Variants in UQCRQ observed in about 807,000 individuals in gnomAD.
UQCRQ encodes the protein ubiquinol-cytochrome c reductase complex III subunit VII.
A neutral mutation model predicts 7.9 loss-of-function variants in UQCRQ; 9 were observed. That is an observed-to-expected ratio of 1.13 (90% CI 0.68 to 1.98). UQCRQ has a LOEUF of 1.98. Among genes scored for constraint, UQCRQ ranks in the 30% most tolerant of loss-of-function variants. The pLI is 0.00. For missense variants in UQCRQ, 112 were observed against 109.7 expected (o/e 1.02, Z -0.10); for synonymous variants, 50 against 41.9 (o/e 1.19, Z -0.75).
intron 2 of UQCRQ, 180 bp downstream of exon 2, chr5:132,867,215 G>A: frequency 1.1e-6 from 1 of 872,484 alleles, no homozygotes; most frequent in East Asian, 2.6e-5. Context: ...CATCTTACAC[G>A]GGGAAAACTG....
At chr5:132,867,340 A>G in intron 2 of UQCRQ, 148 bp from the exon 3 acceptor site, 1 of 746,230 alleles carries the variant, frequency 1.3e-6, no homozygotes, top group Non-Finnish European at 2.3e-6. Flanking sequence ...TTAAACGTGC[A>G]GCAGATAGTG....
rs1393028325 is a variant in UQCRQ at position 132,868,774 on chromosome 5, C to T, written c.*1192C>T. Among the ~76,000 whole-genome samples the T allele has an allele frequency of 3.3e-5, 5 of 152,122 alleles. No homozygotes were observed. Among genetic ancestry groups the T allele is most frequent in the East Asian group, 1.9e-4 (1 of 5,180 alleles). On this transcript the variant is annotated 3_prime_UTR_variant, in exon 3 of 3. Coordinates refer to ENST00000378670, the MANE Select transcript of UQCRQ (RefSeq NM_014402.5). ...TGTGCCAGGAGGCCAACAATGTTTT[C>T]AACCATATGTGGTTCATAAAGCCTC...
chr5:132,867,419 C>A, intron 2 of UQCRQ, 69 bp from the exon 3 acceptor site: 1 of 1,278,960 alleles, frequency 7.8e-7, no homozygotes, highest in Non-Finnish European at 1.1e-6. Context: ...GACAAGAGGA[C>A]TGAGACCTTT....
At chr5:132,867,455 T>C (rs767000774) in intron 2 of UQCRQ, 33 bp from the exon 3 acceptor site, 1 of 1,553,884 alleles carries the variant, frequency 6.4e-7, no homozygotes, top group Non-Finnish European at 8.9e-7. Context: ...GTCTTATATG[T>C]GTGCTCTCTG....
In UQCRQ at chr5:132,868,290, T is replaced by C. The variant is rs1759695115; in HGVS notation, c.*708T>C. ...CCATGGTGCTCTGGGCCTCAAATACTCTTCTTAGCTACACAAATGAACTGT... is the reference window on the plus strand; with the variant it reads ...CCATGGTGCTCTGGGCCTCAAATACCCTTCTTAGCTACACAAATGAACTGT... On this transcript the variant is annotated 3_prime_UTR_variant, in exon 3 of 3. Transcript: ENST00000378670. 6.6e-6 allele frequency among the ~76,000 whole-genome samples: 1 copy of C among 152,224 alleles called. No homozygotes were observed. Among genetic ancestry groups the C allele is most frequent in the Non-Finnish European group, 1.5e-5 (1 of 68,040 alleles).
rs1759695500 is a variant in UQCRQ, at chr5:132,868,304, C to CA, written c.*725dup. ...GCCTCAAATACTCTTCTTAGCTACA[C>CA]AAATGAACTGTTAAACCTCACAAGC... On this transcript the variant is annotated 3_prime_UTR_variant, in exon 3 of 3. Transcript: ENST00000378670. 6.6e-6 allele frequency among the ~76,000 whole-genome samples: 1 copy of CA among 152,184 alleles called. No homozygotes were observed. The highest frequency in any genetic ancestry group is 6.5e-5 in the Admixed American group (1 of 15,284).
In UQCRQ at chr5:132,867,153, C is replaced by T. The variant is rs966840326; in HGVS notation, c.154+118C>T. 21 of 1,335,770 alleles carry T rather than the reference C, an allele frequency of 1.6e-5. No homozygotes were observed. In the Admixed American group the frequency reaches 2.3e-4, roughly 15 times the overall value. The allele number at this position is 1,335,770 out of a possible 1,614,324, so 82.7% of individuals were successfully genotyped here. A position where few individuals can be genotyped will look rare whatever the true frequency, so the allele number is the denominator to read the frequency against. Reference sequence around the variant, plus strand: ...GCGCTCTGTAACTTGCCGTACACACCTTTCTCATTGAATATTCCTGACCGC... The same window carrying T: ...GCGCTCTGTAACTTGCCGTACACACTTTTCTCATTGAATATTCCTGACCGC... On this transcript the variant is annotated intron_variant, in intron 2 of 2. Transcript: ENST00000378670.
rs1484249772 is a variant in UQCRQ at position 132,868,457 on chromosome 5, A to G, written c.*875A>G. Among the ~76,000 whole-genome samples the G allele has an allele frequency of 6.6e-6, 1 of 152,182 alleles. No individual in the cohort carries two copies. Among genetic ancestry groups the G allele is most frequent in the Non-Finnish European group, 1.5e-5 (1 of 68,040 alleles). On this transcript the variant is annotated 3_prime_UTR_variant, in exon 3 of 3. Transcript: ENST00000378670. ...AGTGATGCTCTTAAAACTATGCTCTATTGCAGGGGTGTCCAATCTTTTAGC... is the reference window on the plus strand; with the variant it reads ...AGTGATGCTCTTAAAACTATGCTCTGTTGCAGGGGTGTCCAATCTTTTAGC...
chr5:132,867,544 A>G lies in UQCRQ; in HGVS notation c.211A>G (p.Lys71Glu). 1 of 1,614,206 alleles carries G rather than the reference A, an allele frequency of 6.2e-7. No homozygotes were observed. Among genetic ancestry groups the G allele is most frequent in the East Asian group, 2.2e-5 (1 of 44,888 alleles). ...TWGTEEFERS[K>E]RKNPAAYEND... ...GGGGACTGAAGAGTTCGAGAGATCCAAGAGGAAGAATCCAGCTGCCTATGA... is the reference window on the plus strand; with the variant it reads ...GGGGACTGAAGAGTTCGAGAGATCCGAGAGGAAGAATCCAGCTGCCTATGA... Residue 71 changes from lysine to glutamate, a missense_variant, in exon 3 of 3, where the codon AAG becomes GAG. By Grantham distance (56) the Lys-to-Glu change is moderately conservative (BLOSUM62 1). Transcript: ENST00000378670.
Position 132,867,685 on chromosome 5 carries a change from G to A in UQCRQ, c.*103G>A. 1 of 918,032 alleles carries A rather than the reference G, an allele frequency of 1.1e-6. No individual in the cohort carries two copies. The highest frequency in any genetic ancestry group is 1.7e-6 in the Non-Finnish European group (1 of 571,778). The allele number at this position is 918,032 out of a possible 1,614,324, so 56.9% of individuals were successfully genotyped here. On this transcript the variant is annotated 3_prime_UTR_variant, in exon 3 of 3. Coordinates refer to ENST00000378670, the MANE Select transcript of UQCRQ (RefSeq NM_014402.5). ...AGACACAATAAACTTCCTATGGTCT[G>A]CACTGTTGTGATATTACATTTTTGT...
At chr5:132,867,104 C>T in intron 2 of UQCRQ, 69 bp downstream of exon 2, 3 of 1,598,504 alleles carry the variant, frequency 1.9e-6, no homozygotes, top group Non-Finnish European at 1.7e-6. Context: ...TGCGCCTCCC[C>T]TCTGAGCGCT....
Position 132,867,630 on chromosome 5 carries a change from G to A in UQCRQ, c.*48G>A. On this transcript the variant is annotated 3_prime_UTR_variant, in exon 3 of 3. Transcript: ENST00000378670. ...CCCTGTCTCTGAAAGACCTTTCTCT[G>A]GAAGAGGAGTCTGCATTGTAGTGTC... The A allele has an allele frequency of 6.8e-7, 1 of 1,475,630 alleles. No homozygotes were observed. The allele number at this position is 1,475,630 out of a possible 1,614,324, so 91.4% of individuals were successfully genotyped here.
intron 1 of UQCRQ, 55 bp from the exon 2 acceptor site, chr5:132,866,814 G>T: frequency 1.9e-6 from 3 of 1,598,114 alleles, no homozygotes; most frequent in Admixed American, 3.4e-5. Flanking sequence ...CCCCCGCGGG[G>T]ACTGCGGCGC....
In UQCRQ at chr5:132,866,962, T is replaced by A. The variant is rs368396020; in HGVS notation, c.81T>A (p.Tyr27Ter). The change falls in exon 2 of 3, where the codon TAT (tyrosine) becomes TAA (stop). Residue 27 changes from tyrosine (Y) to a stop codon, truncating the protein, a stop_gained. Coordinates refer to ENST00000378670, the MANE Select transcript of UQCRQ (RefSeq NM_014402.5). LOFTEE classifies it high-confidence loss of function. The stretch of plus-strand genomic sequence containing the variant: ...TGTCACCGTTCGAGCAGCGCGCCTA[T>A]CCGCACGTCTTCACTAAAGGAATCC... ...YSLSPFEQRA[Y>*]PHVFTKGIPN... The A allele has an allele frequency of 6.2e-7, 1 of 1,614,102 alleles. No homozygotes were observed. Among genetic ancestry groups the A allele is most frequent in the Admixed American group, 1.7e-5 (1 of 60,034 alleles).
At chr5:132,867,137 A>C in intron 2 of UQCRQ, 102 bp downstream of exon 2, 1 of 1,464,932 alleles carries the variant, frequency 6.8e-7, no homozygotes, top group African/African-American at 1.4e-5. Flanking sequence ...GGCGCTCTGT[A>C]ACTTGCCGTA....
rs1157121153 is a variant in UQCRQ, at chr5:132,867,810, G to A, written c.*228G>A. ...CCTGGTCTCGGGTTTTGGTGAAAGA[G>A]CAGGGCTCCCCCTTTGTTCCATTAT... On this transcript the variant is annotated 3_prime_UTR_variant, in exon 3 of 3. Transcript: ENST00000378670. 1 of 547,858 alleles carries A rather than the reference G, an allele frequency of 1.8e-6. No homozygotes were observed. Among genetic ancestry groups the A allele is most frequent in the Non-Finnish European group, 3.3e-6 (1 of 305,332 alleles). 33.9% of individuals were successfully genotyped at this position (547,858 alleles called of 1,614,324 possible).
Position 132,867,835 on chromosome 5 carries a change from T to C in UQCRQ, c.*253T>C, listed in dbSNP as rs1759678149. 3.9e-6 allele frequency: 2 copies of C among 506,852 alleles called. No individual in the cohort carries two copies. The highest frequency in any genetic ancestry group is 1.9e-5 in the African/African-American group (1 of 51,870). 31.4% of individuals were successfully genotyped at this position (506,852 alleles called of 1,614,324 possible). On this transcript the variant is annotated 3_prime_UTR_variant, in exon 3 of 3. Transcript: ENST00000378670. ...GCAGGGCTCCCCCTTTGTTCCATTA[T>C]CTACAAGAAAGTAGCTGCAGGTACT... is the stretch of plus-strand genomic sequence containing the variant.
At chr5:132,866,777 G>A in intron 1 of UQCRQ, 90 bp downstream of exon 1, 1 of 1,505,788 alleles carries the variant, frequency 6.6e-7, no homozygotes, top group African/African-American at 1.4e-5. Context: ...AGGAGTGCAG[G>A]GGCAGGAGTC....
Position 132,867,741 on chromosome 5 carries a change from A to C in UQCRQ, c.*159A>C, listed in dbSNP as rs1759675861. ...GAATCCTGTGTGACCACTAATATTC[A>C]AGTTCATGAAGCGCCCCTCCTCAGC... On this transcript the variant is annotated 3_prime_UTR_variant, in exon 3 of 3. Coordinates refer to ENST00000378670, the MANE Select transcript of UQCRQ (RefSeq NM_014402.5). 1.5e-6 allele frequency: 1 copy of C among 677,016 alleles called. No individual in the cohort carries two copies. Among genetic ancestry groups the C allele is most frequent in the African/African-American group, 1.8e-5 (1 of 55,906 alleles). The allele number at this position is 677,016 out of a possible 1,614,324, so 41.9% of individuals were successfully genotyped here.
Sources: gnomAD v4.1 joint callset for allele counts (sites outside exome capture counted in the v4.1 genomes callset) on GRCh38, gnomAD v4.1.1 for gene constraint, MANE v1.5 for transcripts, NCBI Gene and HGNC (gene_info 2026-07-23, HGNC 2026-07-21) for gene names.